The following TXK variants were observed in gnomAD, a reference collection of about 807,000 sequenced individuals.
TXK encodes the protein tyrosine-protein kinase TXK.
TXK carries 60 observed loss-of-function variants against 81.0 expected under a neutral mutation model. The observed-to-expected ratio is 0.74, with a 90% CI of 0.60 to 0.92. The LOEUF is 0.92. TXK is among the 40% of genes least tolerant of loss of function. The probability of loss-of-function intolerance (pLI) is 0.00; values close to 1 mark genes in which losing one functional copy is unlikely to be tolerated. For missense variants in TXK, 581 were observed against 638.3 expected (o/e 0.91, Z 0.97); for synonymous variants, 203 against 210.7 (o/e 0.96, Z 0.32).
intron 8 of TXK, 131 bp from the exon 9 acceptor site, chr4:48,089,955 G>A: frequency 1.7e-6 from 1 of 581,550 alleles, no homozygotes. Flanking sequence ...TTAGTCAGCA[G>A]TTTGCTTATT....
At chr4:48,110,050 C>T (rs938041074) in intron 5 of TXK, among the ~76,000 whole-genome samples, 4 of 152,240 alleles carry the variant, frequency 2.6e-5, no homozygotes, top group Non-Finnish European at 4.4e-5. Flanking sequence ...TTTCCTCCAT[C>T]TTCCAAATCT....
In TXK at chr4:48,113,230, T is replaced by A; in HGVS notation, c.151A>T (p.Ser51Cys). The change falls in exon 3 of 15, where the codon AGC (serine) becomes TGC (cysteine). Residue 51 changes from serine to cysteine, a missense_variant. Ser to Cys is a moderately radical substitution (Grantham distance 112). Transcript: ENST00000264316. ...KYTQRRRPWL[S>C]QLSNKKQSNT... ...ACTTGCTTCTTATTTGACAATTGGC[T>A]GAGCCACGGCCTGCGACGCTGGGTG... 1.2e-6 allele frequency: 2 copies of A among 1,613,394 alleles called. No homozygotes were observed. The highest frequency in any genetic ancestry group is 2.2e-5 in the East Asian group (1 of 44,886).
At chr4:48,115,245 C>T (rs866645984) in intron 1 of TXK, among the ~76,000 whole-genome samples, 3 of 152,218 alleles carry the variant, frequency 2.0e-5, no homozygotes, top group South Asian at 4.1e-4. Flanking sequence ...GTTCCCCTCT[C>T]TGTGTCCATA....
chr4:48,092,413 C>T (rs1717811449), intron 8 of TXK, among the ~76,000 whole-genome samples: 1 of 152,108 alleles, frequency 6.6e-6, no homozygotes, highest in African/African-American at 2.4e-5. Flanking sequence ...GCAGAGAGGA[C>T]CTGAACACAT....
At chr4:48,096,793 T>C (rs1717998974) in intron 6 of TXK, among the ~76,000 whole-genome samples, 1 of 152,138 alleles carries the variant, frequency 6.6e-6, no homozygotes. Context: ...CCTCCCAAAA[T>C]GCTGGGATTA....
intron 1 of TXK, among the ~76,000 whole-genome samples, chr4:48,132,771 C>A (rs879277520): frequency 4.6e-5 from 7 of 151,954 alleles, no homozygotes; most frequent in Non-Finnish European, 1.0e-4. Flanking sequence ...CATGGTGAAA[C>A]CCTGTCTCTA....
intron 1 of TXK, among the ~76,000 whole-genome samples, chr4:48,123,069 T>G (rs1187101435): frequency 4.6e-5 from 7 of 152,232 alleles, no homozygotes; most frequent in Non-Finnish European, 1.0e-4. Flanking sequence ...TATAAACAAA[T>G]TATTTAATAT....
chr4:48,074,061 T>G lies in TXK; in HGVS notation c.1239-8A>C. ...TCATCATCCAAAACGTACCTAAGTTTATCAGATTCAAAGCATATTGTGTTA... is the reference window on the plus strand; with the variant it reads ...TCATCATCCAAAACGTACCTAAGTTGATCAGATTCAAAGCATATTGTGTTA... On this transcript the variant is annotated splice_polypyrimidine_tract_variant and splice_region_variant and intron_variant, in intron 12 of 14. Transcript: ENST00000264316. The G allele has an allele frequency of 4.4e-6, 7 of 1,597,986 alleles. No homozygotes were observed. Among genetic ancestry groups the G allele is most frequent in the Non-Finnish European group, 6.0e-6 (7 of 1,165,706 alleles).
intron 12 of TXK, among the ~76,000 whole-genome samples, chr4:48,074,892 C>T (rs557453273): frequency 6.6e-6 from 1 of 152,116 alleles, no homozygotes; most frequent in Admixed American, 6.5e-5. Context: ...GAGAGAAAAG[C>T]CACTGTTTAT....
intron 1 of TXK, among the ~76,000 whole-genome samples, chr4:48,128,744 T>C (rs376892277): frequency 1.4e-4 from 22 of 151,928 alleles, no homozygotes; most frequent in African/African-American, 5.1e-4. Context: ...TCTTTTTGTA[T>C]TTTTAGTAGA....
In TXK at chr4:48,087,596, G is replaced by C. The variant is rs562705297; in HGVS notation, c.785-959C>G. Among the ~76,000 whole-genome samples, 15 of 152,092 alleles carry C rather than the reference G, an allele frequency of 9.9e-5. 1 individual carries two copies. The highest frequency in any genetic ancestry group is 3.6e-4 in the African/African-American group (15 of 41,494). On this transcript the variant is annotated intron_variant, in intron 9 of 14. Coordinates refer to ENST00000264316, the MANE Select transcript of TXK (RefSeq NM_003328.3). The stretch of plus-strand genomic sequence containing the variant: ...GATTACAGGCACGCCATCACGCCTT[G>C]ATAATTTTTTGTATTTTCAGTAGAG...
At chr4:48,110,419 T>G (rs1261684109) in intron 5 of TXK, 119 bp downstream of exon 5, 3 of 684,256 alleles carry the variant, frequency 4.4e-6, no homozygotes, top group Non-Finnish European at 7.7e-6. Context: ...GTCTCTTTAT[T>G]ATTAACGCTG....
At chr4:48,100,077 C>T (rs56342301) in intron 6 of TXK, among the ~76,000 whole-genome samples, 3,475 of 141,046 alleles carry the variant, frequency 0.025, 40 homozygotes, top group African/African-American at 0.035. Flanking sequence ...GAGGCTGAGG[C>T]AGGAGAATGG....
intron 8 of TXK, among the ~76,000 whole-genome samples, chr4:48,091,374 G>C (rs1269464533): frequency 6.6e-6 from 1 of 152,202 alleles, no homozygotes; most frequent in Non-Finnish European, 1.5e-5. Context: ...TTGCACTGCA[G>C]AGGTAAGCAG....
intron 6 of TXK, among the ~76,000 whole-genome samples, chr4:48,097,064 A>G (rs1718008982): frequency 6.6e-6 from 1 of 152,170 alleles, no homozygotes; most frequent in African/African-American, 2.4e-5. Context: ...CAAGTAGAAG[A>G]AATAAATTAA....
At chr4:48,117,908 G>A (rs941995459) in intron 1 of TXK, among the ~76,000 whole-genome samples, 2 of 152,052 alleles carry the variant, frequency 1.3e-5, no homozygotes, top group Non-Finnish European at 2.9e-5. Flanking sequence ...AGGTATTTGG[G>A]GACCATTGAA....
intron 1 of TXK, among the ~76,000 whole-genome samples, chr4:48,120,127 G>A (rs977921825): frequency 1.2e-4 from 17 of 145,428 alleles, no homozygotes; most frequent in African/African-American, 2.8e-4. Flanking sequence ...ACATACATAT[G>A]TATATACATG....
intron 11 of TXK, among the ~76,000 whole-genome samples, chr4:48,077,654 C>T (rs994833411): frequency 6.6e-6 from 1 of 151,846 alleles, no homozygotes; most frequent in Non-Finnish European, 1.5e-5. Flanking sequence ...GAGTTTACAC[C>T]ATATTCATCC....
At chr4:48,111,128 T>C (rs983505246) in intron 4 of TXK, among the ~76,000 whole-genome samples, 2 of 152,268 alleles carry the variant, frequency 1.3e-5, no homozygotes, top group South Asian at 4.1e-4. Context: ...ATGCAACAAA[T>C]TGTCCTCAAA....
Sources: allele counts gnomAD v4.1 joint callset (sites outside exome capture counted in the v4.1 genomes callset), GRCh38; gene constraint gnomAD v4.1.1; transcripts MANE v1.5; gene names NCBI Gene and HGNC (gene_info 2026-07-23, HGNC 2026-07-21).